The following GALNTL6 variants were observed in gnomAD, a reference collection of about 807,000 sequenced individuals.
The protein encoded by GALNTL6 is polypeptide N-acetylgalactosaminyltransferase-like 6.
Under a neutral mutation model 73.7 loss-of-function variants are expected in GALNTL6, and 46 were observed. That is an observed-to-expected ratio of 0.62 (90% CI 0.49 to 0.80). GALNTL6 has a LOEUF of 0.80. GALNTL6 is among the 30% of genes least tolerant of loss of function. The pLI, the probability that GALNTL6 is intolerant of heterozygous loss-of-function variation, is 0.00. For missense variants in GALNTL6, 604 were observed against 755.0 expected (o/e 0.80, Z 2.34); for synonymous variants, 259 against 263.7 (o/e 0.98, Z 0.17).
At chr4:172,493,853 A>G (rs1733974755) in intron 5 of GALNTL6, among the ~76,000 whole-genome samples, 1 of 152,176 alleles carries the variant, frequency 6.6e-6, no homozygotes, top group African/African-American at 2.4e-5. Flanking sequence ...TCAGACTCTG[A>G]GTAAAGCCTT....
intron 2 of GALNTL6, among the ~76,000 whole-genome samples, chr4:171,898,743 T>C (rs892238424): frequency 1.3e-5 from 2 of 152,084 alleles, no homozygotes; most frequent in Non-Finnish European, 2.9e-5. Flanking sequence ...TAGTTTTTTT[T>C]AATTTTATTT....
At chr4:172,875,511 A>G (rs1745148961) in intron 7 of GALNTL6, among the ~76,000 whole-genome samples, 1 of 152,186 alleles carries the variant, frequency 6.6e-6, no homozygotes, top group Non-Finnish European at 1.5e-5. Context: ...ATGTCCCCAG[A>G]CATCTTTGAG....
chr4:172,198,120 C>T (rs1735831360), intron 2 of GALNTL6, among the ~76,000 whole-genome samples: 1 of 151,838 alleles, frequency 6.6e-6, no homozygotes, highest in African/African-American at 2.4e-5. Context: ...AAAAAACAAA[C>T]AAACAAAACC....
chr4:172,496,078 G>A (rs530784199), intron 5 of GALNTL6, among the ~76,000 whole-genome samples: 14 of 152,164 alleles, frequency 9.2e-5, no homozygotes, highest in Admixed American at 2.6e-4. Flanking sequence ...TAACTTCCAC[G>A]GATCTGAATC....
Position 172,596,165 on chromosome 4 carries a change from A to G in GALNTL6, c.554-213196A>G, listed in dbSNP as rs1334024781. ...GTAAATATAATAGAATGTGTTAAAGAGTGTGACTGGCCAGGTGTGGTGGCT... is the reference window on the plus strand; with the variant it reads ...GTAAATATAATAGAATGTGTTAAAGGGTGTGACTGGCCAGGTGTGGTGGCT... On this transcript the variant is annotated intron_variant, in intron 5 of 12. Coordinates refer to ENST00000506823, the MANE Select transcript of GALNTL6 (RefSeq NM_001034845.3). Among the ~76,000 whole-genome samples, 9 of 152,276 alleles carry G rather than the reference A, an allele frequency of 5.9e-5. No individual in the cohort carries two copies. The East Asian group carries it at 1.4e-3, about 23-fold the overall frequency.
intron 2 of GALNTL6, among the ~76,000 whole-genome samples, chr4:171,941,895 A>C (rs1480976179): frequency 6.6e-6 from 1 of 152,186 alleles, no homozygotes; most frequent in Non-Finnish European, 1.5e-5. Flanking sequence ...GCAAACATTC[A>C]GAAGAAAGAA....
chr4:172,040,716 T>A (rs1742064652), intron 2 of GALNTL6, among the ~76,000 whole-genome samples: 1 of 152,118 alleles, frequency 6.6e-6, no homozygotes, highest in Admixed American at 6.6e-5. Flanking sequence ...AGAGGCTAAC[T>A]GATTTTTCAA....
intron 5 of GALNTL6, among the ~76,000 whole-genome samples, chr4:172,426,818 A>G (rs1172137923): frequency 6.6e-6 from 1 of 152,122 alleles, no homozygotes; most frequent in Non-Finnish European, 1.5e-5. Context: ...AGCATGGGCA[A>G]CCACAGCACA....
chr4:172,720,959 T>C (rs1171103565), intron 5 of GALNTL6, among the ~76,000 whole-genome samples: 2 of 152,216 alleles, frequency 1.3e-5, no homozygotes, highest in Non-Finnish European at 2.9e-5. Flanking sequence ...AGAATTAGAA[T>C]TATCAGGTAT....
At chr4:172,714,818 C>T (rs886437645) in intron 5 of GALNTL6, among the ~76,000 whole-genome samples, 5 of 151,952 alleles carry the variant, frequency 3.3e-5, no homozygotes, top group African/African-American at 1.2e-4. Flanking sequence ...GCTATGCCAT[C>T]TTAGAAGACT....
At chr4:172,338,811 G>A (rs1741439489) in intron 4 of GALNTL6, among the ~76,000 whole-genome samples, 1 of 152,128 alleles carries the variant, frequency 6.6e-6, no homozygotes, top group South Asian at 2.1e-4. Flanking sequence ...GAGAATTGAG[G>A]GCGCAGCCAC....
chr4:171,906,021 A>C (rs567946772), intron 2 of GALNTL6, among the ~76,000 whole-genome samples: 1 of 152,162 alleles, frequency 6.6e-6, no homozygotes, highest in South Asian at 2.1e-4. Context: ...TATAGCACTA[A>C]ATGCCCACAA....
At chr4:172,383,686 A>G (rs1579019533) in intron 5 of GALNTL6, among the ~76,000 whole-genome samples, 1 of 152,154 alleles carries the variant, frequency 6.6e-6, no homozygotes, top group Admixed American at 6.5e-5. Flanking sequence ...GATTGAAAGC[A>G]TGTAGTCTTT....
At chr4:172,724,488 T>A (rs1337320633) in intron 5 of GALNTL6, among the ~76,000 whole-genome samples, 1 of 152,160 alleles carries the variant, frequency 6.6e-6, no homozygotes, top group African/African-American at 2.4e-5. Context: ...TCTGAATCAA[T>A]TAGTTGGGCT....
chr4:172,321,878 G>A (rs1740768520), intron 4 of GALNTL6, among the ~76,000 whole-genome samples: 1 of 152,130 alleles, frequency 6.6e-6, no homozygotes, highest in Admixed American at 6.5e-5. Context: ...CTGGCACTAG[G>A]GAAAGGCAGT....
At chr4:173,024,817 G>T (rs1753167375) in intron 12 of GALNTL6, among the ~76,000 whole-genome samples, 1 of 152,154 alleles carries the variant, frequency 6.6e-6, no homozygotes, top group Non-Finnish European at 1.5e-5. Context: ...GACCTCAGGG[G>T]ATCCGCCCAC....
intron 10 of GALNTL6, among the ~76,000 whole-genome samples, chr4:172,997,367 C>T (rs1441917313): frequency 1.3e-5 from 2 of 152,086 alleles, no homozygotes; most frequent in African/African-American, 2.4e-5. Context: ...CCTACTTTCT[C>T]GGAGCCTCAG....
chr4:172,919,115 C>T (rs1224671063), intron 8 of GALNTL6, among the ~76,000 whole-genome samples: 1 of 152,170 alleles, frequency 6.6e-6, no homozygotes, highest in Non-Finnish European at 1.5e-5. Flanking sequence ...GAAACCCAAA[C>T]CCTCACTGTT....
intron 2 of GALNTL6, among the ~76,000 whole-genome samples, chr4:171,893,829 C>G (rs1736826591): frequency 6.6e-6 from 1 of 152,102 alleles, no homozygotes; most frequent in Non-Finnish European, 1.5e-5. Context: ...TGAAAAACAA[C>G]TATTTCAGAT....
Sources: allele counts gnomAD v4.1 joint callset (sites outside exome capture counted in the v4.1 genomes callset), GRCh38; gene constraint gnomAD v4.1.1; transcripts MANE v1.5; gene names NCBI Gene and HGNC (gene_info 2026-07-23, HGNC 2026-07-21).